The following ABI3BP variants were observed in gnomAD, a reference collection of about 807,000 sequenced individuals.
ABI3BP encodes the protein ABI family member 3 binding protein.
ABI3BP carries 216 observed loss-of-function variants against 268.6 expected under a neutral mutation model. That is an observed-to-expected ratio of 0.80 (90% CI 0.72 to 0.90). ABI3BP has a LOEUF of 0.90. ABI3BP is among the 40% of genes least tolerant of loss of function. The probability of loss-of-function intolerance (pLI) is 0.00; values close to 1 mark genes in which losing one functional copy is unlikely to be tolerated. For missense variants in ABI3BP, 2,090 were observed against 2,182.4 expected, an observed-to-expected ratio of 0.96 and a Z score of 0.84; for synonymous variants, 730 against 730.0, an observed-to-expected ratio of 1.00 and a Z score of 0.00.
In ABI3BP at chr3:100,992,818, C is replaced by T. The variant is rs115030048; in HGVS notation, c.79+488G>A. 9.0e-3 allele frequency among the ~76,000 whole-genome samples: 1,376 copies of T among 152,286 alleles called. 20 individuals carry two copies. Among genetic ancestry groups the T allele is most frequent in the African/African-American group, 0.031 (1,269 of 41,554 alleles). On this transcript the variant is annotated intron_variant, in intron 1 of 67. Coordinates refer to ENST00000471714, the MANE Select transcript of ABI3BP (RefSeq NM_001375547.2). ...ACGTGTCTGCAAATCAGCACATGAC[C>T]GTACTTTGGTCTGACCTGCCTAGAC...
chr3:100,948,619 A>G (rs2073582564), intron 1 of ABI3BP, among the ~76,000 whole-genome samples: 1 of 151,972 alleles, frequency 6.6e-6, no homozygotes, highest in African/African-American at 2.4e-5. Flanking sequence ...CAAATCACTC[A>G]TTTCACTTCC....
At chr3:100,992,183 AT>A (rs757805141) in intron 1 of ABI3BP, among the ~76,000 whole-genome samples, 2 of 152,072 alleles carry the variant, frequency 1.3e-5, no homozygotes, top group East Asian at 3.9e-4. Context: ...AGTCTTTTTT[AT>A]TGCTGTTCAC....
rs1431636933 is a variant in ABI3BP at position 100,864,040 on chromosome 3, A to G, written c.1100T>C (p.Ile367Thr). The stretch of plus-strand genomic sequence containing the variant: ...TGGCAATTCAAACTGAGGTATTAGA[A>G]TAGTTTGCAATGTTTCCGGGGTCCT... ...SKRTPETLQTILIPQFELPLS... is the reference protein window; with the variant it reads ...SKRTPETLQTTLIPQFELPLS... The change falls in exon 12 of 68, where the codon ATT (isoleucine) becomes ACT (threonine). Residue 367 changes from isoleucine (I) to threonine (T), a missense_variant. Coordinates refer to ENST00000471714, the MANE Select transcript of ABI3BP (RefSeq NM_001375547.2). The G allele has an allele frequency of 1.3e-5, 20 of 1,536,068 alleles. No homozygotes were observed. The East Asian group carries it at 4.4e-4, about 34-fold the overall frequency.
At chr3:100,810,501 G>A (rs1221782686) in intron 48 of ABI3BP, 24 bp from the exon 49 acceptor site, 30 of 1,514,662 alleles carry the variant, frequency 2.0e-5, no homozygotes, top group East Asian at 2.5e-5. Flanking sequence ...AGGAAAGTAC[G>A]CGGGTTACTA....
At chr3:100,777,779 C>T (rs905922866) in intron 59 of ABI3BP, among the ~76,000 whole-genome samples, 3 of 152,224 alleles carry the variant, frequency 2.0e-5, no homozygotes, top group African/African-American at 7.2e-5. Context: ...TACTCCTGTA[C>T]TGTTGCACAG....
At chr3:100,869,132 C>G (rs1274963281) in intron 9 of ABI3BP, among the ~76,000 whole-genome samples, 1 of 151,954 alleles carries the variant, frequency 6.6e-6, no homozygotes, top group Non-Finnish European at 1.5e-5. Flanking sequence ...GTTTAATCGT[C>G]CAGATCCTAG....
rs1340046490 is a variant in ABI3BP at position 100,819,736 on chromosome 3, G to A, written c.3031+484C>T. Among the ~76,000 whole-genome samples, 3 of 152,124 alleles carry A rather than the reference G, an allele frequency of 2.0e-5. No individual in the cohort carries two copies. The East Asian group carries it at 5.8e-4, about 30-fold the overall frequency. ...GGAGGCTGAGGCAAGCAGATAACAA[G>A]GTCAGGAGTTTGAGACCAGTCTGAC... On this transcript the variant is annotated intron_variant, in intron 40 of 67. Transcript: ENST00000471714.
chr3:100,934,184 C>A (rs967548312), intron 1 of ABI3BP, among the ~76,000 whole-genome samples: 1 of 151,328 alleles, frequency 6.6e-6, no homozygotes. Flanking sequence ...TCCTTGTGTG[C>A]TTGTGTTCTC....
At chr3:100,813,629 G>C in intron 45 of ABI3BP, 32 bp downstream of exon 45, 1 of 1,493,968 alleles carries the variant, frequency 6.7e-7, no homozygotes. Flanking sequence ...AAAGCACACA[G>C]TATACCCAGA....
chr3:100,908,145 AG>A (rs2054420902), intron 2 of ABI3BP, among the ~76,000 whole-genome samples: 2 of 152,050 alleles, frequency 1.3e-5, no homozygotes, highest in African/African-American at 2.4e-5. Context: ...AAGAAAAAAA[AG>A]TAAGCCTATT....
At chr3:100,973,061 T>C (rs2084418809) in intron 1 of ABI3BP, among the ~76,000 whole-genome samples, 1 of 152,148 alleles carries the variant, frequency 6.6e-6, no homozygotes, top group South Asian at 2.1e-4. Flanking sequence ...TTTTTGTTAG[T>C]GACTTCACTG....
chr3:100,828,553 C>T (rs1180783586), intron 33 of ABI3BP, 101 bp from the exon 34 acceptor site: 2 of 1,058,496 alleles, frequency 1.9e-6, no homozygotes, highest in Non-Finnish European at 2.7e-6. Context: ...ACATATCTGT[C>T]CAGAGCACGA....
chr3:100,830,658 C>T (rs1284470449), intron 31 of ABI3BP, 24 bp from the exon 32 acceptor site: 2 of 1,513,902 alleles, frequency 1.3e-6, no homozygotes, highest in South Asian at 2.5e-5. Flanking sequence ...ATAAAAGAAA[C>T]CAAAGAGATT....
At chr3:100,900,116 A>C (rs1274705388) in intron 3 of ABI3BP, among the ~76,000 whole-genome samples, 1 of 152,248 alleles carries the variant, frequency 6.6e-6, no homozygotes, top group Non-Finnish European at 1.5e-5. Flanking sequence ...AGATGTTTGA[A>C]ATAAGTTTCA....
Position 100,832,336 on chromosome 3 carries a change from T to C in ABI3BP, c.2329A>G (p.Thr777Ala). The C allele has an allele frequency of 6.5e-7, 1 of 1,528,018 alleles. No homozygotes were observed. The allele number at this position is 1,528,018 out of a possible 1,614,324, so 94.7% of individuals were successfully genotyped here. A position where few individuals can be genotyped will look rare whatever the true frequency, so the allele number is the denominator to read the frequency against. ...GGATGTGGACGACGGGTTCTTTTTG[T>C]TGTTGTTGTTGGAGCTGAAGGAAGA... ...PGTSSAPTTT[T>A]KRTRRPHPKP... Residue 777 changes from threonine (T) to alanine (A), a missense_variant, in exon 31 of 68, where the codon ACA becomes GCA. Physicochemically the swap from Thr to Ala is moderately conservative, Grantham distance 58. Transcript: ENST00000471714.
intron 1 of ABI3BP, among the ~76,000 whole-genome samples, chr3:100,949,662 A>G (rs1201730113): frequency 1.3e-5 from 2 of 152,156 alleles, no homozygotes; most frequent in African/African-American, 4.8e-5. Flanking sequence ...ATCACATTTG[A>G]GATCTGTTAC....
intron 1 of ABI3BP, among the ~76,000 whole-genome samples, chr3:100,974,090 A>T (rs376474721): frequency 6.6e-6 from 1 of 152,178 alleles, no homozygotes; most frequent in Non-Finnish European, 1.5e-5. Flanking sequence ...AAATAAAAAC[A>T]CAAAATAAAA....
chr3:100,894,640 T>G (rs2046300838), intron 4 of ABI3BP, among the ~76,000 whole-genome samples: 1 of 151,766 alleles, frequency 6.6e-6, no homozygotes, highest in Non-Finnish European at 1.5e-5. Flanking sequence ...TCATTCTACG[T>G]TAAGAGTAAG....
intron 4 of ABI3BP, among the ~76,000 whole-genome samples, chr3:100,892,922 A>T (rs2045435958): frequency 6.6e-6 from 1 of 152,206 alleles, no homozygotes; most frequent in African/African-American, 2.4e-5. Context: ...TGTCAACTTG[A>T]TTGGATTGAA....
Sources: gnomAD v4.1 joint callset for allele counts (sites outside exome capture counted in the v4.1 genomes callset) on GRCh38, gnomAD v4.1.1 for gene constraint, MANE v1.5 for transcripts, NCBI Gene and HGNC (gene_info 2026-07-23, HGNC 2026-07-21) for gene names.